Variants in PPM1L observed in about 807,000 individuals in gnomAD.
PPM1L encodes protein phosphatase 1L.
PPM1L carries 13 observed loss-of-function variants against 31.4 expected under a neutral mutation model. That is an observed-to-expected ratio of 0.41 (90% CI 0.27 to 0.66). The LOEUF (loss-of-function observed/expected upper bound fraction) is 0.66, where lower values mean the gene tolerates loss of function less well. Ranked by LOEUF, PPM1L falls within the 30% of genes least tolerant of loss-of-function variation. PPM1L has a pLI of 0.29. For missense variants in PPM1L, 326 were observed against 453.7 expected (o/e 0.72, Z 2.56); for synonymous variants, 184 against 175.4 (o/e 1.05, Z -0.39).
chr3:160,887,039 A>G (rs1169006150), intron 1 of PPM1L, among the ~76,000 whole-genome samples: 3 of 152,070 alleles, frequency 2.0e-5, no homozygotes, highest in Non-Finnish European at 4.4e-5. Context: ...GCTGAAAAAT[A>G]TAGCACAAGA....
intron 2 of PPM1L, among the ~76,000 whole-genome samples, chr3:160,990,825 G>A (rs900350024): frequency 7.9e-5 from 12 of 152,256 alleles, no homozygotes; most frequent in South Asian, 2.1e-4. Context: ...GGGATGTGAC[G>A]AAGTCTCTTT....
rs540570245 is a variant in PPM1L, at chr3:160,782,169, T to G, written c.399+25462T>G. On this transcript the variant is annotated intron_variant, in intron 1 of 3. Coordinates refer to ENST00000498165, the MANE Select transcript of PPM1L (RefSeq NM_139245.4). ...CAGTCACTCTCCCTATTCTGTTTGT[T>G]TTTTTTTTGCCAAATAAATGTTGTC... Among the ~76,000 whole-genome samples the G allele has an allele frequency of 3.3e-5, 5 of 151,692 alleles. No homozygotes were observed. In the East Asian group the frequency reaches 7.7e-4, roughly 23 times the overall value.
chr3:161,011,015 G>A (rs1163260728), intron 2 of PPM1L, among the ~76,000 whole-genome samples: 5 of 152,184 alleles, frequency 3.3e-5, no homozygotes, highest in African/African-American at 1.2e-4. Flanking sequence ...AAGCTCTTTA[G>A]TGTAATTAGA....
chr3:160,937,531 A>G (rs1168776225), intron 1 of PPM1L, among the ~76,000 whole-genome samples: 1 of 152,160 alleles, frequency 6.6e-6, no homozygotes, highest in African/African-American at 2.4e-5. Flanking sequence ...AAGGCAGGAG[A>G]ATGGCATGAA....
intron 1 of PPM1L, among the ~76,000 whole-genome samples, chr3:160,777,518 A>G (rs1711597576): frequency 6.6e-6 from 1 of 151,928 alleles, no homozygotes; most frequent in Non-Finnish European, 1.5e-5. Flanking sequence ...ACAACTCCCT[A>G]TTTTTTCCTC....
rs1435951485 is a variant in PPM1L at position 161,072,043 on chromosome 3, G to A, written c.*2886G>A. 3 of 152,180 alleles carry A rather than the reference G, an allele frequency of 2.0e-5. No individual in the cohort carries two copies. The highest frequency in any genetic ancestry group is 2.9e-5 in the Non-Finnish European group (2 of 68,044). The allele number at this position is 152,180 out of a possible 1,614,324, so 9.4% of individuals were successfully genotyped here. On this transcript the variant is annotated 3_prime_UTR_variant, in exon 4 of 4. Coordinates refer to ENST00000498165, the MANE Select transcript of PPM1L (RefSeq NM_139245.4). ...CCATGTGCTTCTGAGACCCCAGCAC[G>A]ATGCCAGGCCCAGGTCTCCATTAAT...
Position 161,025,034 on chromosome 3 carries a change from G to A in PPM1L, c.575-40369G>A, listed in dbSNP as rs1718339002. On this transcript the variant is annotated intron_variant, in intron 2 of 3. Transcript: ENST00000498165. Reference sequence around the variant, plus strand: ...GCTTCAGGCTAATTTCTAGAATTCTGAAAAAGTTGTTTTTAACAATTTTTT... The same window carrying A: ...GCTTCAGGCTAATTTCTAGAATTCTAAAAAAGTTGTTTTTAACAATTTTTT... 5.3e-5 allele frequency among the ~76,000 whole-genome samples: 8 copies of A among 152,134 alleles called. No homozygotes were observed. The South Asian group carries it at 1.7e-3, about 32-fold the overall frequency.
intron 2 of PPM1L, among the ~76,000 whole-genome samples, chr3:161,012,341 A>G (rs979113004): frequency 4.6e-5 from 7 of 152,134 alleles, no homozygotes; most frequent in Non-Finnish European, 7.3e-5. Context: ...CGTATGTTGA[A>G]CCAGCCTTGC....
chr3:160,972,602 T>C (rs1412935227), intron 2 of PPM1L, among the ~76,000 whole-genome samples: 1 of 152,206 alleles, frequency 6.6e-6, no homozygotes, highest in Non-Finnish European at 1.5e-5. Context: ...TCTATCATCA[T>C]TGGACATTTG....
chr3:161,001,140 G>A (rs1157096308), intron 2 of PPM1L, among the ~76,000 whole-genome samples: 2 of 152,028 alleles, frequency 1.3e-5, no homozygotes, highest in African/African-American at 4.8e-5. Context: ...CAGTTATTCT[G>A]TTCTTCTAGA....
At chr3:161,035,296 A>G (rs184932138) in intron 2 of PPM1L, among the ~76,000 whole-genome samples, 307 of 152,282 alleles carry the variant, frequency 2.0e-3, no homozygotes, top group African/African-American at 7.2e-3. Context: ...CCAAACGGAA[A>G]GAAGTGGTGA....
At chr3:160,870,351 T>A (rs1303904915) in intron 1 of PPM1L, among the ~76,000 whole-genome samples, 3 of 152,240 alleles carry the variant, frequency 2.0e-5, no homozygotes, top group Non-Finnish European at 2.9e-5. Flanking sequence ...AGAAGATTGT[T>A]TATTTGCTAA....
chr3:160,918,667 C>G (rs1169669220), intron 1 of PPM1L, among the ~76,000 whole-genome samples: 1 of 152,004 alleles, frequency 6.6e-6, no homozygotes, highest in Non-Finnish European at 1.5e-5. Context: ...TGCTATATTT[C>G]TATAATTTTA....
chr3:160,999,469 C>T (rs760733448), intron 2 of PPM1L, among the ~76,000 whole-genome samples: 15 of 152,352 alleles, frequency 9.8e-5, no homozygotes, highest in Non-Finnish European at 1.9e-4. Context: ...AAATAAGAAT[C>T]TCTTACACCC....
chr3:161,070,881 A>G lies in PPM1L; in HGVS notation c.*1724A>G, dbSNP rs1719891360. 1 of 152,226 alleles carries G rather than the reference A, an allele frequency of 6.6e-6. No individual in the cohort carries two copies. Among genetic ancestry groups the G allele is most frequent in the Non-Finnish European group, 1.5e-5 (1 of 68,070 alleles). The allele number at this position is 152,226 out of a possible 1,614,324, so 9.4% of individuals were successfully genotyped here. ...GCTGCAATCTGTCTTGATTTCTCCA[A>G]GCACTTAACTTTCTTTGACTGCACT... On this transcript the variant is annotated 3_prime_UTR_variant, in exon 4 of 4. Transcript: ENST00000498165.
rs1426095811 is a variant in PPM1L, at chr3:161,069,559, TGCA to T, written c.*404_*406del. Reference sequence around the variant, plus strand: ...GTGGACAGGACAGACCACCCAGTGCTGCAGGAGACAGGCCACTGCGTCACCTGT... The same window carrying T: ...GTGGACAGGACAGACCACCCAGTGCTGGAGACAGGCCACTGCGTCACCTGT... On this transcript the variant is annotated 3_prime_UTR_variant, in exon 4 of 4. Transcript: ENST00000498165. The T allele has an allele frequency of 5.6e-6, 1 of 179,766 alleles. No homozygotes were observed. Among genetic ancestry groups the T allele is most frequent in the African/African-American group, 2.4e-5 (1 of 41,966 alleles). The allele number at this position is 179,766 out of a possible 1,614,324, so 11.1% of individuals were successfully genotyped here. A position where few individuals can be genotyped will look rare whatever the true frequency, so the allele number is the denominator to read the frequency against.
chr3:161,005,567 G>A (rs1489277194), intron 2 of PPM1L, among the ~76,000 whole-genome samples: 1 of 152,154 alleles, frequency 6.6e-6, no homozygotes, highest in East Asian at 1.9e-4. Flanking sequence ...AGCCTTGCCT[G>A]CGTTTAAATT....
intron 2 of PPM1L, among the ~76,000 whole-genome samples, chr3:160,962,408 T>C (rs535722587): frequency 6.6e-6 from 1 of 152,316 alleles, no homozygotes; most frequent in African/African-American, 2.4e-5. Flanking sequence ...AGGGAGCTTA[T>C]TAATGAAGTC....
intron 1 of PPM1L, among the ~76,000 whole-genome samples, chr3:160,785,702 T>C (rs1319833853): frequency 6.6e-6 from 1 of 152,252 alleles, no homozygotes; most frequent in Non-Finnish European, 1.5e-5. Flanking sequence ...TTCCTTTTAC[T>C]GGCTGCTCAG....
Sources: allele counts gnomAD v4.1 joint callset (sites outside exome capture counted in the v4.1 genomes callset), GRCh38; gene constraint gnomAD v4.1.1; transcripts MANE v1.5; gene names NCBI Gene and HGNC (gene_info 2026-07-23, HGNC 2026-07-21).